Variants in CASZ1 observed in about 807,000 individuals in gnomAD.
CASZ1 encodes the protein zinc finger protein castor homolog 1.
A neutral mutation model predicts 135.2 loss-of-function variants in CASZ1; 28 were observed. That is an observed-to-expected ratio of 0.21 (90% CI 0.15 to 0.28). The LOEUF is 0.28. CASZ1 is among the 10% of genes least tolerant of loss of function. CASZ1 has a pLI of 1.00. For synonymous variants in CASZ1, 1,068 were observed against 1,073.4 expected (o/e 0.99, Z 0.10); for missense variants, 2,161 against 2,453.3 (o/e 0.88, Z 2.52).
At chr1:10,671,570 G>A (rs893270844) in intron 4 of CASZ1, among the ~76,000 whole-genome samples, 1 of 152,168 alleles carries the variant, frequency 6.6e-6, no homozygotes, top group South Asian at 2.1e-4. Flanking sequence ...GCAGTGGAAG[G>A]GGTCTGATTG....
intron 1 of CASZ1, among the ~76,000 whole-genome samples, chr1:10,763,987 C>T (rs192345846): frequency 2.2e-4 from 33 of 152,290 alleles, no homozygotes; most frequent in Non-Finnish European, 4.3e-4. Flanking sequence ...CTCAGCCTCC[C>T]GAGTAGCTGG....
intron 2 of CASZ1, among the ~76,000 whole-genome samples, chr1:10,738,415 G>A (rs958176772): frequency 6.6e-6 from 1 of 152,232 alleles, no homozygotes; most frequent in Non-Finnish European, 1.5e-5. Context: ...CTGGCAGGAC[G>A]GGTGCCCACA....
In CASZ1 at chr1:10,788,069, C is replaced by G. The variant is rs545197487; in HGVS notation, c.-234+8495G>C. ...TTGCCTAAGACCGTTGCTCAAACAT[C>G]TTAGAATCCCAGAGAACGTTAGCTG... On this transcript the variant is annotated intron_variant, in intron 1 of 20. Transcript: ENST00000377022. This position sits in a 1 kb window ranked among gnomAD's most constrained non-coding sequence, Gnocchi z 4.1. Among the ~76,000 whole-genome samples the G allele has an allele frequency of 2.6e-4, 39 of 152,208 alleles. No homozygotes were observed. The highest frequency in any genetic ancestry group is 4.8e-4 in the Non-Finnish European group (33 of 68,042).
At position 10,727,832 on chromosome 1, in the gene CASZ1, C is replaced by T. The variant is rs1435832730; in HGVS notation, c.-76-22288G>A. ...TGTGCCGACCTGGGAACCTGTGGAG[C>T]CCCTGGCTAGTGGCCAGACAGCATG... On this transcript the variant is annotated intron_variant, in intron 2 of 20. Transcript: ENST00000377022. This position sits in a 1 kb window ranked among gnomAD's most constrained non-coding sequence, Gnocchi z 5.3. Among the ~76,000 whole-genome samples, 1 of 152,208 alleles carries T rather than the reference C, an allele frequency of 6.6e-6. No individual in the cohort carries two copies. Among genetic ancestry groups the T allele is most frequent in the African/African-American group, 2.4e-5 (1 of 41,454 alleles).
At chr1:10,649,670 A>G in intron 13 of CASZ1, 2 of 515,166 alleles carry the variant, frequency 3.9e-6, no homozygotes, top group Non-Finnish European at 3.4e-6. Flanking sequence ...GCTCCTCCAC[A>G]TGAGCCCGTG....
At chr1:10,702,003 T>C (rs564626398) in intron 3 of CASZ1, among the ~76,000 whole-genome samples, 1 of 152,342 alleles carries the variant, frequency 6.6e-6, no homozygotes, top group East Asian at 1.9e-4. Context: ...TCTGTCTTCC[T>C]TTGCGGACAG....
intron 1 of CASZ1, among the ~76,000 whole-genome samples, chr1:10,784,851 C>A (rs2100619812): frequency 6.6e-6 from 1 of 152,292 alleles, no homozygotes; most frequent in South Asian, 2.1e-4. Flanking sequence ...CAAGCATGAA[C>A]CACCGCACCT....
chr1:10,780,275 C>T (rs775374826), intron 1 of CASZ1, among the ~76,000 whole-genome samples: 1 of 152,184 alleles, frequency 6.6e-6, no homozygotes, highest in Non-Finnish European at 1.5e-5. Flanking sequence ...TTGTCAAAAG[C>T]AAGAAGGAAG....
intron 3 of CASZ1, among the ~76,000 whole-genome samples, chr1:10,698,895 T>C (rs1199222869): frequency 6.6e-6 from 1 of 152,234 alleles, no homozygotes; most frequent in Non-Finnish European, 1.5e-5. Flanking sequence ...AGGTCACAGC[T>C]TGGCCTCAGG....
Position 10,724,511 on chromosome 1 carries a change from G to A in CASZ1, c.-76-18967C>T, listed in dbSNP as rs1207016873. On this transcript the variant is annotated intron_variant, in intron 2 of 20. Coordinates refer to ENST00000377022, the MANE Select transcript of CASZ1 (RefSeq NM_001079843.3). The surrounding 1 kb of genome is among the most constrained non-coding windows in gnomAD (Gnocchi z 4.1). ...CATGTCGGGAGCTAGAACAGTCCTG[G>A]TGGAGATTCCCTTGAAATGGGTCAG... is the stretch of plus-strand genomic sequence containing the variant. Among the ~76,000 whole-genome samples the A allele has an allele frequency of 6.6e-6, 1 of 152,214 alleles. No homozygotes were observed.
At position 10,659,706 on chromosome 1, in the gene CASZ1, C is replaced by T. The variant is rs1309525865; in HGVS notation, c.1336G>A (p.Val446Ile). 6.2e-7 allele frequency: 1 copy of T among 1,613,144 alleles called. No homozygotes were observed. Among genetic ancestry groups the T allele is most frequent in the Admixed American group, 1.7e-5 (1 of 60,004 alleles). ...DSITTGTVST[V>I]KNGLPTDKPA... ...GTGGGGTGGGGAGCGCCTTACTTGA[C>T]AGTGGAGACGGTCCCCGTGGTGATG... Residue 446 changes from valine (V) to isoleucine (I), a missense_variant, in exon 6 of 21, where the codon GTC becomes ATC. Around this residue, in one of 7 missense-constraint regions of CASZ1, gnomAD observed 248 missense variants for 410.8 expected, o/e 0.60. Transcript: ENST00000377022.
Position 10,738,918 on chromosome 1 carries a change from GTTT to G in CASZ1, c.-77+21780_-77+21782del, listed in dbSNP as rs752101102. Among the ~76,000 whole-genome samples the G allele has an allele frequency of 5.3e-3, 369 of 69,164 alleles. 5 individuals carry two copies. In the East Asian group the frequency reaches 0.08, roughly 15 times the overall value. 45.4% of individuals were successfully genotyped at this position (69,164 alleles called of 152,430 possible). ...AAAAACTCCATATGCATGAAGGAAG[GTTT>G]TTTTTTTTTTTTTTTTTTTTTTTCA... On this transcript the variant is annotated intron_variant, in intron 2 of 20. Transcript: ENST00000377022.
chr1:10,794,444 C>T lies in CASZ1; in HGVS notation c.-234+2120G>A, dbSNP rs1641024995. On this transcript the variant is annotated intron_variant, in intron 1 of 20. Transcript: ENST00000377022. The surrounding 1 kb of genome is among the most constrained non-coding windows in gnomAD (Gnocchi z 5.6). ...CCCACACTCCACTCGGTCAGAAACGCACACTCCGCCCCGTGGCCCAGTGAT... is the reference window on the plus strand; with the variant it reads ...CCCACACTCCACTCGGTCAGAAACGTACACTCCGCCCCGTGGCCCAGTGAT... 6.6e-6 allele frequency among the ~76,000 whole-genome samples: 1 copy of T among 151,568 alleles called. No homozygotes were observed.
chr1:10,638,230 C>G lies in CASZ1; in HGVS notation c.*712G>C, dbSNP rs552312055. The G allele has an allele frequency of 5.2e-5, 8 of 152,532 alleles. No homozygotes were observed. The South Asian group carries it at 1.7e-3, about 32-fold the overall frequency. 9.4% of individuals were successfully genotyped at this position (152,532 alleles called of 1,614,324 possible). A position where few individuals can be genotyped will look rare whatever the true frequency, so the allele number is the denominator to read the frequency against. On this transcript the variant is annotated 3_prime_UTR_variant, in exon 21 of 21. Coordinates refer to ENST00000377022, the MANE Select transcript of CASZ1 (RefSeq NM_001079843.3). The surrounding 1 kb of genome is among the most constrained non-coding windows in gnomAD (Gnocchi z 5.9). ...ACCAGGCGCATCCTTCCTGTTTGCA[C>G]CACCAGGGTGGCCGAGACCCCGCCC... is the stretch of plus-strand genomic sequence containing the variant.
chr1:10,640,126 C>A lies in CASZ1; in HGVS notation c.4163-67G>T. ...GTGGGCACCATCAACAGGGTTACAC[C>A]CACATGGGACCCCTGATCTGGCATG... On this transcript the variant is annotated intron_variant, in intron 20 of 20. Coordinates refer to ENST00000377022, the MANE Select transcript of CASZ1 (RefSeq NM_001079843.3). The A allele has an allele frequency of 3.3e-6, 5 of 1,530,410 alleles. No individual in the cohort carries two copies. The Admixed American group carries it at 9.5e-5, about 29-fold the overall frequency. The allele number at this position is 1,530,410 out of a possible 1,614,324, so 94.8% of individuals were successfully genotyped here.
intron 1 of CASZ1, among the ~76,000 whole-genome samples, chr1:10,793,248 G>A (rs1640996086): frequency 6.6e-6 from 1 of 151,338 alleles, no homozygotes; most frequent in Non-Finnish European, 1.5e-5. Context: ...GATGGGGGGA[G>A]GAAGGGGGTG....
intron 1 of CASZ1, among the ~76,000 whole-genome samples, chr1:10,782,799 A>G (rs1403182792): frequency 6.6e-6 from 1 of 152,156 alleles, no homozygotes; most frequent in East Asian, 1.9e-4. Context: ...GGAGGGGGGA[A>G]GGCTGGGGCA....
At position 10,720,226 on chromosome 1, in the gene CASZ1, C is replaced by T. The variant is rs905194817; in HGVS notation, c.-76-14682G>A. ...GGGCTGTGGTGAGGGTTTGGGGAAG[C>T]GATGAGGGTAAAGCTCTTAGCAAAG... On this transcript the variant is annotated intron_variant, in intron 2 of 20. Transcript: ENST00000377022. This position sits in a 1 kb window ranked among gnomAD's most constrained non-coding sequence, Gnocchi z 5.7. Among the ~76,000 whole-genome samples, 4 of 152,284 alleles carry T rather than the reference C, an allele frequency of 2.6e-5. No homozygotes were observed. Among genetic ancestry groups the T allele is most frequent in the South Asian group, 2.1e-4 (1 of 4,828 alleles).
At position 10,639,420 on chromosome 1, in the gene CASZ1, C is replaced by A. The variant is rs1306301294; in HGVS notation, c.4802G>T (p.Gly1601Val). 2.6e-6 allele frequency: 4 copies of A among 1,558,754 alleles called. No homozygotes were observed. Among genetic ancestry groups the A allele is most frequent in the Admixed American group, 1.9e-5 (1 of 51,650 alleles). The change falls in exon 21 of 21, where the codon GGC (glycine) becomes GTC (valine). Residue 1601 changes from glycine (G) to valine (V), a missense_variant. Gly to Val is a moderately radical substitution (Grantham distance 109). Transcript: ENST00000377022. The surrounding 1 kb of genome is among the most constrained non-coding windows in gnomAD (Gnocchi z 4.0). Reference sequence around the variant, plus strand: ...CGCGGGGCCCTCTGCCGCGGGCTCGCCGCGCTCCTGCTTCTCGTGCTTGCG... The same window carrying A: ...CGCGGGGCCCTCTGCCGCGGGCTCGACGCGCTCCTGCTTCTCGTGCTTGCG... ...HKRKHEKQER[G>V]EPAAEGPAPG...
Sources: allele counts gnomAD v4.1 joint callset (sites outside exome capture counted in the v4.1 genomes callset), GRCh38; gene constraint gnomAD v4.1.1; regional missense constraint gnomAD v4.1.1; non-coding constraint Gnocchi (gnomAD v3.1); transcripts MANE v1.5; gene names NCBI Gene and HGNC (gene_info 2026-07-23, HGNC 2026-07-21).